The following RALGAPA1 variants were observed in gnomAD, a reference collection of about 807,000 sequenced individuals.
RALGAPA1 encodes Ral GTPase activating protein catalytic subunit alpha 1.
Under a neutral mutation model 269.6 loss-of-function variants are expected in RALGAPA1, and 52 were observed. The observed-to-expected ratio is 0.19, with a 90% confidence interval of 0.15 to 0.24. The LOEUF (loss-of-function observed/expected upper bound fraction) is 0.24, where lower values mean the gene tolerates loss of function less well. RALGAPA1 is among the 10% of genes least tolerant of loss of function. RALGAPA1 has a pLI of 1.00. For missense variants in RALGAPA1, 1,917 were observed against 3,013.9 expected (o/e 0.64, Z 8.52); for synonymous variants, 817 against 1,008.3 (o/e 0.81, Z 3.60).
At chr14:35,553,892 G>A (rs2055271508) in intron 39 of RALGAPA1, among the ~76,000 whole-genome samples, 1 of 151,772 alleles carries the variant, frequency 6.6e-6, no homozygotes, top group Non-Finnish European at 1.5e-5. Flanking sequence ...TAGTCTCAGG[G>A]ATTTAAGGCC....
chr14:35,605,564 T>G (rs115946885), intron 36 of RALGAPA1, 22 bp downstream of exon 36: 15 of 1,562,952 alleles, frequency 9.6e-6, no homozygotes, highest in Non-Finnish European at 1.3e-5. Flanking sequence ...TATAAATATT[T>G]CGTATAATTT....
intron 37 of RALGAPA1, among the ~76,000 whole-genome samples, chr14:35,578,574 T>A (rs2057732153): frequency 6.6e-6 from 1 of 152,234 alleles, no homozygotes; most frequent in Non-Finnish European, 1.5e-5. Context: ...GAAAAGTTTC[T>A]TGAAAACAAC....
At chr14:35,714,604 T>C (rs1166145918) in intron 16 of RALGAPA1, among the ~76,000 whole-genome samples, 1 of 152,266 alleles carries the variant, frequency 6.6e-6, no homozygotes, top group Non-Finnish European at 1.5e-5. Flanking sequence ...CTATATGTTA[T>C]GAATGCCCTG....
chr14:35,663,419 T>A (rs1484694927), intron 27 of RALGAPA1, among the ~76,000 whole-genome samples: 26 of 148,732 alleles, frequency 1.7e-4, no homozygotes, highest in Non-Finnish European at 3.0e-4. Context: ...AAGCAAGTTT[T>A]AAAAAAAACA....
At chr14:35,626,001 A>T (rs1410202284) in intron 34 of RALGAPA1, among the ~76,000 whole-genome samples, 1 of 152,190 alleles carries the variant, frequency 6.6e-6, no homozygotes, top group Non-Finnish European at 1.5e-5. Flanking sequence ...AAGGGACAAC[A>T]TACGGACCAT....
At chr14:35,776,303 C>A (rs1408107939) in intron 1 of RALGAPA1, among the ~76,000 whole-genome samples, 1 of 151,724 alleles carries the variant, frequency 6.6e-6, no homozygotes, top group East Asian at 1.9e-4. Context: ...ATCACTTGAA[C>A]CCAGGAGGTG....
chr14:35,718,264 T>G (rs2069027094), intron 16 of RALGAPA1, among the ~76,000 whole-genome samples: 1 of 152,246 alleles, frequency 6.6e-6, no homozygotes, highest in Non-Finnish European at 1.5e-5. Context: ...ATATCCTTAA[T>G]GCATAGAACA....
At chr14:35,659,801 T>C (rs1363335951) in intron 27 of RALGAPA1, among the ~76,000 whole-genome samples, 1 of 152,092 alleles carries the variant, frequency 6.6e-6, no homozygotes, top group East Asian at 1.9e-4. Context: ...GATTTATCAC[T>C]GTGATGCAAG....
chr14:35,686,119 TTTTTA>T, intron 19 of RALGAPA1, among the ~76,000 whole-genome samples: 1 of 150,972 alleles, frequency 6.6e-6, no homozygotes, highest in Non-Finnish European at 1.5e-5. Flanking sequence ...TATATATGTA[TTTTTA>T]TTTTAAATTA....
At position 35,689,423 on chromosome 14, in the gene RALGAPA1, G is replaced by A; in HGVS notation, c.2988C>T (p.Thr996=). 8.1e-7 allele frequency: 1 copy of A among 1,232,220 alleles called. No homozygotes were observed. The allele number at this position is 1,232,220 out of a possible 1,614,324, so 76.3% of individuals were successfully genotyped here. ...TDQETESENI[T]SFVGTPENLQ... ...GGTTTTCAGGAGTCCCAACAAAAGAGGTGATATTTTCTGATTCAGTTTCCT... is the reference window on the plus strand; with the variant it reads ...GGTTTTCAGGAGTCCCAACAAAAGAAGTGATATTTTCTGATTCAGTTTCCT... Residue 996 remains threonine (T), a synonymous_variant, in exon 18 of 42, where the codon ACC becomes ACT. Transcript: ENST00000680220.
chr14:35,799,121 T>C (rs2076789230), intron 1 of RALGAPA1, among the ~76,000 whole-genome samples: 2 of 152,306 alleles, frequency 1.3e-5, no homozygotes, highest in South Asian at 4.1e-4. Flanking sequence ...TAATATAGTG[T>C]ATGGCTGATA....
At position 35,688,786 on chromosome 14, in the gene RALGAPA1, G is replaced by A. The variant is rs1304946858; in HGVS notation, c.3625C>T (p.Pro1209Ser). Residue 1209 changes from proline (P) to serine (S), a missense_variant, in exon 18 of 42, where the codon CCT (proline) becomes TCT (serine). This residue lies in a region of RALGAPA1 where 615 missense variants were observed against 790.0 expected (regional missense o/e 0.78). Transcript: ENST00000680220. Reference protein sequence around the residue: ...STNSATELVKPGVYRPLDTLG... With the variant: ...STNSATELVKSGVYRPLDTLG... ...GTATCTAGAGGTCTGTACACACCAG[G>A]TTTTACTAGCTCTGTAGCACTATTT... is the stretch of plus-strand genomic sequence containing the variant. The A allele has an allele frequency of 2.1e-6, 3 of 1,417,154 alleles. No individual in the cohort carries two copies. Among genetic ancestry groups the A allele is most frequent in the African/African-American group, 1.4e-5 (1 of 69,466 alleles). The allele number at this position is 1,417,154 out of a possible 1,614,324, so 87.8% of individuals were successfully genotyped here. A position where few individuals can be genotyped will look rare whatever the true frequency, so the allele number is the denominator to read the frequency against.
In RALGAPA1 at chr14:35,671,221, C is replaced by T. The variant is rs548376971; in HGVS notation, c.5202+168G>A. On this transcript the variant is annotated intron_variant, in intron 26 of 41. Transcript: ENST00000680220. ...TTATCAGATTTTACTGATTTTAGTG[C>T]TTTCTTATATTTCAGATTTCTTGCT... Among the ~76,000 whole-genome samples, 3 of 152,174 alleles carry T rather than the reference C, an allele frequency of 2.0e-5. No homozygotes were observed. In the South Asian group the frequency reaches 6.2e-4, roughly 32 times the overall value.
At chr14:35,586,139 T>C (rs2058269546) in intron 37 of RALGAPA1, among the ~76,000 whole-genome samples, 1 of 152,174 alleles carries the variant, frequency 6.6e-6, no homozygotes, top group African/African-American at 2.4e-5. Context: ...GAGCAGTGGT[T>C]TGTAGTTCTC....
chr14:35,700,415 G>A, intron 16 of RALGAPA1, 113 bp from the exon 17 acceptor site: 6 of 800,170 alleles, frequency 7.5e-6, no homozygotes, highest in South Asian at 8.0e-5. Flanking sequence ...TACAAAGGAA[G>A]GAAATTATAA....
At chr14:35,582,022 T>C (rs955012679) in intron 37 of RALGAPA1, among the ~76,000 whole-genome samples, 29 of 152,332 alleles carry the variant, frequency 1.9e-4, no homozygotes, top group Non-Finnish European at 4.1e-4. Context: ...ATGAGGTATA[T>C]ACTTGCAACA....
At chr14:35,554,729 T>C (rs1298559355) in intron 39 of RALGAPA1, among the ~76,000 whole-genome samples, 2 of 152,236 alleles carry the variant, frequency 1.3e-5, no homozygotes, top group Admixed American at 6.5e-5. Context: ...TTCTTCACTT[T>C]AGAGACTACT....
chr14:35,586,527 C>A (rs774768730), intron 37 of RALGAPA1, among the ~76,000 whole-genome samples: 1 of 152,138 alleles, frequency 6.6e-6, no homozygotes, highest in African/African-American at 2.4e-5. Flanking sequence ...TGTCTTGTAC[C>A]AGTTTTCAAA....
At chr14:35,608,824 A>C (rs1231976989) in intron 35 of RALGAPA1, among the ~76,000 whole-genome samples, 2 of 152,238 alleles carry the variant, frequency 1.3e-5, no homozygotes, top group Non-Finnish European at 2.9e-5. Context: ...AGACTTGAAC[A>C]ATAATATGAC....
Sources: allele counts gnomAD v4.1 joint callset (sites outside exome capture counted in the v4.1 genomes callset), GRCh38; gene constraint gnomAD v4.1.1; regional missense constraint gnomAD v4.1.1; transcripts MANE v1.5; gene names NCBI Gene and HGNC (gene_info 2026-07-23, HGNC 2026-07-21).